C12orf42: variants seen among roughly 807,000 people sequenced by gnomAD.
C12orf42 encodes the protein chromosome 12 open reading frame 42.
C12orf42 carries 25 observed loss-of-function variants against 21.6 expected under a neutral mutation model. The observed-to-expected ratio is 1.16, with a 90% CI of 0.84 to 1.62. The LOEUF is 1.62. C12orf42 is among the 40% of genes most tolerant of loss of function. The pLI is 0.00. For synonymous variants in C12orf42, 174 were observed against 175.0 expected, an observed-to-expected ratio of 0.99 and a Z score of 0.05; for missense variants, 483 against 459.3, an observed-to-expected ratio of 1.05 and a Z score of -0.47.
chr12:103,341,536 A>G (rs2137250310), intron 4 of C12orf42, among the ~76,000 whole-genome samples: 1 of 152,342 alleles, frequency 6.6e-6, no homozygotes, highest in Middle Eastern at 3.4e-3. Context: ...GAATCATAAA[A>G]TATCGATTAA....
chr12:103,538,839 T>C, the C12orf42 span, among the ~76,000 whole-genome samples: 1 of 152,096 alleles, frequency 6.6e-6, no homozygotes, highest in African/African-American at 2.4e-5. Flanking sequence ...GCCAAATCCT[T>C]ATGGATCCAA....
At chr12:103,458,497 C>T (rs1254312504) in intron 2 of C12orf42, among the ~76,000 whole-genome samples, 2 of 152,142 alleles carry the variant, frequency 1.3e-5, no homozygotes, top group Non-Finnish European at 2.9e-5. Context: ...ACTGTCTCTG[C>T]ATCGCATCCC....
the C12orf42 span, among the ~76,000 whole-genome samples, chr12:103,117,760 T>C: frequency 3.7e-4 from 57 of 152,240 alleles, no homozygotes; most frequent in Non-Finnish European, 6.9e-4. Flanking sequence ...AGTAATGTGA[T>C]TCTGGATTAT....
chr12:103,454,884 A>T (rs575436837), intron 2 of C12orf42, among the ~76,000 whole-genome samples: 1 of 152,222 alleles, frequency 6.6e-6, no homozygotes, highest in East Asian at 1.9e-4. Context: ...GTATATATTT[A>T]CCCAGCATTA....
At chr12:103,274,374 C>A (rs1180831449) in intron 5 of C12orf42, among the ~76,000 whole-genome samples, 1 of 152,128 alleles carries the variant, frequency 6.6e-6, no homozygotes, top group South Asian at 2.1e-4. Flanking sequence ...GAACAGTAAA[C>A]CCTACCTCCC....
chr12:103,250,673 A>T (rs1201703275), intron 10 of C12orf42, among the ~76,000 whole-genome samples: 1 of 152,170 alleles, frequency 6.6e-6, no homozygotes, highest in Non-Finnish European at 1.5e-5. Flanking sequence ...CTATTCCTGT[A>T]GATGTTGACT....
chr12:103,407,393 C>T (rs1375516160), intron 2 of C12orf42, among the ~76,000 whole-genome samples: 1 of 152,146 alleles, frequency 6.6e-6, no homozygotes, highest in Non-Finnish European at 1.5e-5. Flanking sequence ...CCCATCTTTG[C>T]CACCCCTGAG....
the C12orf42 span, among the ~76,000 whole-genome samples, chr12:103,555,977 G>C: frequency 1.3e-5 from 2 of 152,110 alleles, no homozygotes; most frequent in African/African-American, 4.8e-5. Flanking sequence ...GACACAGATA[G>C]AGCAGTTGGA....
At chr12:103,063,350 G>T in the C12orf42 span, among the ~76,000 whole-genome samples, 1 of 152,208 alleles carries the variant, frequency 6.6e-6, no homozygotes, top group Non-Finnish European at 1.5e-5. Flanking sequence ...AATGAAAGGT[G>T]CATGCACACC....
At chr12:103,527,936 G>A in the C12orf42 span, among the ~76,000 whole-genome samples, 5 of 152,188 alleles carry the variant, frequency 3.3e-5, no homozygotes, top group Admixed American at 3.3e-4. Context: ...TAGACAATGG[G>A]ATAAGTAAAA....
At chr12:103,169,014 A>G in the C12orf42 span, among the ~76,000 whole-genome samples, 1 of 151,910 alleles carries the variant, frequency 6.6e-6, no homozygotes, top group African/African-American at 2.4e-5. Context: ...CTGTTGGGGG[A>G]TGGGAGACAA....
intron 2 of C12orf42, among the ~76,000 whole-genome samples, chr12:103,410,243 T>C (rs1593873523): frequency 6.6e-6 from 1 of 152,274 alleles, no homozygotes; most frequent in East Asian, 1.9e-4. Context: ...GAAGGAAAAA[T>C]TGAAGAGCCT....
chr12:103,143,965 C>G, the C12orf42 span, among the ~76,000 whole-genome samples: 1 of 152,090 alleles, frequency 6.6e-6, no homozygotes, highest in Non-Finnish European at 1.5e-5. Context: ...ATTATTATCA[C>G]AGGGTTATTT....
chr12:103,356,967 T>TA (rs1194117846), intron 4 of C12orf42, among the ~76,000 whole-genome samples: 4 of 151,816 alleles, frequency 2.6e-5, no homozygotes, highest in African/African-American at 9.7e-5. Flanking sequence ...TATGCAGCCA[T>TA]AAAAAATGAT....
rs182177724 is a variant in C12orf42 at position 103,243,103 on chromosome 12, A to G, written c.*1367-5201T>C. Among the ~76,000 whole-genome samples the G allele has an allele frequency of 5.8e-4, 88 of 152,274 alleles. 1 individual carries two copies. Among genetic ancestry groups the G allele is most frequent in the Admixed American group, 1.6e-3 (25 of 15,284 alleles). ...CAGTGGCACAATCATAGTTCACTAC[A>G]GCCTTGAAATCCTGGACTCAAGTGA... On this transcript the variant is annotated intron_variant and NMD_transcript_variant, in intron 10 of 10. Transcript: ENST00000547347.
chr12:103,123,729 A>G, the C12orf42 span, among the ~76,000 whole-genome samples: 1 of 151,980 alleles, frequency 6.6e-6, no homozygotes, highest in African/African-American at 2.4e-5. Context: ...TAAATTTTAT[A>G]TTGATTACAT....
At chr12:103,214,956 C>T in the C12orf42 span, among the ~76,000 whole-genome samples, 1 of 152,112 alleles carries the variant, frequency 6.6e-6, no homozygotes, top group Non-Finnish European at 1.5e-5. Context: ...GCACCATGTT[C>T]CCAGGAATAA....
the C12orf42 span, among the ~76,000 whole-genome samples, chr12:103,147,057 G>C: frequency 6.6e-6 from 1 of 152,230 alleles, no homozygotes; most frequent in South Asian, 2.1e-4. Context: ...TAGGCTCATG[G>C]AGCATACTTA....
chr12:103,116,370 GAAAA>G, the C12orf42 span, among the ~76,000 whole-genome samples: 1 of 128,672 alleles, frequency 7.8e-6, no homozygotes, highest in African/African-American at 2.9e-5. Context: ...ATCTCACCAA[GAAAA>G]AAAAAAAATA....
Sources: gnomAD v4.1 joint callset for allele counts (sites outside exome capture counted in the v4.1 genomes callset) on GRCh38, gnomAD v4.1.1 for gene constraint, MANE v1.5 for transcripts, NCBI Gene and HGNC (gene_info 2026-07-23, HGNC 2026-07-21) for gene names.